Variants in USO1 observed in about 807,000 individuals in gnomAD.
USO1 encodes the protein general vesicular transport factor p115.
USO1 carries 57 observed loss-of-function variants against 124.5 expected under a neutral mutation model. The ratio of observed to expected loss-of-function variants is 0.46; its 90% confidence interval spans 0.37 to 0.57. The LOEUF is 0.57. Among genes scored for constraint, USO1 ranks in the 20% least tolerant of loss-of-function variants. The probability of loss-of-function intolerance (pLI) is 0.00; values close to 1 mark genes in which losing one functional copy is unlikely to be tolerated. For synonymous variants in USO1, 369 were observed against 362.8 expected (o/e 1.02, Z -0.19); for missense variants, 900 against 1,040.6 (o/e 0.86, Z 1.86).
rs530497517 is a variant in USO1, at chr4:75,735,204, A to G, written c.66+10319A>G. On this transcript the variant is annotated intron_variant, in intron 1 of 23. Transcript: ENST00000514213. ...GTGTGTCTGTCTGTCTGTCTAGGGT[A>G]AATGGGATTGCATTCTTGATTTGGC... Among the ~76,000 whole-genome samples, 3 of 152,234 alleles carry G rather than the reference A, an allele frequency of 2.0e-5. No individual in the cohort carries two copies. The East Asian group carries it at 5.8e-4, about 29-fold the overall frequency.
intron 17 of USO1, 95 bp downstream of exon 17, chr4:75,801,295 A>G (rs1722844566): frequency 1.4e-6 from 2 of 1,379,324 alleles, no homozygotes; most frequent in Non-Finnish European, 1.9e-6. Flanking sequence ...ATGAAAGAGG[A>G]TATAGAAAGC....
At chr4:75,730,056 C>T (rs1720585268) in intron 1 of USO1, 2 of 258,366 alleles carry the variant, frequency 7.7e-6, no homozygotes, top group South Asian at 3.5e-5. Context: ...TGTGTTTTCT[C>T]TCTTGGCCTG....
chr4:75,757,572 A>G lies in USO1; in HGVS notation c.294A>G (p.Val98=). Residue 98 remains valine (V), a splice_region_variant and synonymous_variant, in exon 4 of 24, where the codon GTA becomes GTG. Transcript: ENST00000514213. ...NIISNEEEEE[V]EENSTRQSED... ...TATCTAATGAAGAAGAAGAAGAAGT[A>G]GGTAAGTTTCCAGTTATTTTTACTG... 1 of 1,487,724 alleles carries G rather than the reference A, an allele frequency of 6.7e-7. No individual in the cohort carries two copies. Among genetic ancestry groups the G allele is most frequent in the Non-Finnish European group, 8.9e-7 (1 of 1,118,008 alleles). The allele number at this position is 1,487,724 out of a possible 1,614,324, so 92.2% of individuals were successfully genotyped here.
chr4:75,783,461 T>A (rs1722277957), intron 9 of USO1, among the ~76,000 whole-genome samples: 1 of 152,256 alleles, frequency 6.6e-6, no homozygotes, highest in South Asian at 2.1e-4. Flanking sequence ...TATTTCCTCA[T>A]CAGAGAAAAT....
At chr4:75,757,632 A>G in intron 4 of USO1, 59 bp downstream of exon 4, 3 of 1,325,022 alleles carry the variant, frequency 2.3e-6, no homozygotes, top group South Asian at 3.9e-5. Flanking sequence ...GGGTTGTGCT[A>G]ATTTTGCTGG....
In USO1 at chr4:75,800,472, A is replaced by G. The variant is rs752853888; in HGVS notation, c.1682+3A>G. On this transcript the variant is annotated splice_donor_region_variant and intron_variant, in intron 15 of 23. Coordinates refer to ENST00000514213, the MANE Select transcript of USO1 (RefSeq NM_003715.4). The stretch of plus-strand genomic sequence containing the variant: ...AACTCACTTGAGAGCTACATGAAGT[A>G]AGTAAGGGGAAGATGGTTTTCTAAT... 2.3e-5 allele frequency: 37 copies of G among 1,579,280 alleles called. No individual in the cohort carries two copies. In the Middle Eastern group the frequency reaches 6.7e-4, roughly 28 times the overall value.
At chr4:75,770,340 TTAC>T in intron 4 of USO1, 96 bp from the exon 5 acceptor site, 1 of 1,181,798 alleles carries the variant, frequency 8.5e-7, no homozygotes, top group Non-Finnish European at 1.1e-6. Context: ...GTTGAATTGT[TTAC>T]CAGGAAAATT....
At chr4:75,788,058 T>C (rs2149179413) in intron 10 of USO1, among the ~76,000 whole-genome samples, 1 of 152,192 alleles carries the variant, frequency 6.6e-6, no homozygotes, top group East Asian at 1.9e-4. Flanking sequence ...TTCTTCCCCA[T>C]GTCTCTTGTC....
At chr4:75,782,447 T>A (rs1047502631) in intron 8 of USO1, among the ~76,000 whole-genome samples, 2 of 152,158 alleles carry the variant, frequency 1.3e-5, no homozygotes, top group Non-Finnish European at 2.9e-5. Context: ...AGATAAACAA[T>A]GAGTTACTAA....
Position 75,800,783 on chromosome 4 carries a change from G to C in USO1, c.1848G>C (p.Leu616=), listed in dbSNP as rs1722825054. 3 of 1,612,460 alleles carry C rather than the reference G, an allele frequency of 1.9e-6. No homozygotes were observed. Among genetic ancestry groups the C allele is most frequent in the African/African-American group, 2.7e-5 (2 of 74,816 alleles). The stretch of plus-strand genomic sequence containing the variant: ...TATTTGATCATGAGTTTACGAAGCT[G>C]GTAAAAGAACTTGAAGGTAAGACTG... ...YMIFDHEFTK[L]VKELEGVITK... Residue 616 remains leucine, a synonymous_variant, in exon 16 of 24, where the codon CTG becomes CTC. Transcript: ENST00000514213.
intron 8 of USO1, 134 bp downstream of exon 8, chr4:75,774,930 G>A: frequency 7.6e-7 from 1 of 1,307,734 alleles, no homozygotes; most frequent in Non-Finnish European, 1.0e-6. Context: ...ATGGCATGTT[G>A]ACTATCGATT....
chr4:75,784,791 G>GA (rs200097346), intron 9 of USO1, among the ~76,000 whole-genome samples: 1,529 of 129,850 alleles, frequency 0.012, 15 homozygotes, highest in East Asian at 0.055. Flanking sequence ...TCTATCTCAG[G>GA]AAAAAAAAAA....
intron 10 of USO1, among the ~76,000 whole-genome samples, chr4:75,789,282 C>CTGT (rs10692496): frequency 0.8 from 121,484 of 151,482 alleles, 48,888 homozygotes; most frequent in East Asian, 0.99. Flanking sequence ...TTTTGTGTTG[C>CTGT]TGTTGTTGTT....
chr4:75,766,825 G>GT (rs1035275941), intron 4 of USO1, among the ~76,000 whole-genome samples: 2 of 152,168 alleles, frequency 1.3e-5, no homozygotes, highest in Non-Finnish European at 2.9e-5. Context: ...TTGAATATGA[G>GT]TTTAACTGGT....
At chr4:75,728,107 T>C (rs1720516203) in intron 1 of USO1, among the ~76,000 whole-genome samples, 1 of 152,226 alleles carries the variant, frequency 6.6e-6, no homozygotes, top group Non-Finnish European at 1.5e-5. Flanking sequence ...TACTAGGTAC[T>C]AAAACACTTT....
intron 1 of USO1, among the ~76,000 whole-genome samples, chr4:75,740,404 C>G (rs1214617383): frequency 6.6e-6 from 1 of 152,188 alleles, no homozygotes; most frequent in Non-Finnish European, 1.5e-5. Context: ...CCTCCTGCCT[C>G]AGCCTCCTGA....
In USO1 at chr4:75,724,852, G is replaced by C. The variant is rs745467683; in HGVS notation, c.33G>C (p.Gln11His). The change falls in exon 1 of 24, where the codon CAG (glutamine) becomes CAC (histidine). Residue 11 changes from glutamine (Q) to histidine (H), a missense_variant. Coordinates refer to ENST00000514213, the MANE Select transcript of USO1 (RefSeq NM_003715.4). MNFLRGVMGG[Q>H]SAGPQHTEAE... Reference sequence around the variant, plus strand: ...TCCTCCGCGGGGTAATGGGGGGTCAGAGTGCCGGACCCCAGCACACAGAAG... The same window carrying C: ...TCCTCCGCGGGGTAATGGGGGGTCACAGTGCCGGACCCCAGCACACAGAAG... 1.1e-5 allele frequency: 17 copies of C among 1,613,718 alleles called. No homozygotes were observed. Among genetic ancestry groups the C allele is most frequent in the African/African-American group, 6.7e-5 (5 of 74,936 alleles).
In USO1 at chr4:75,760,072, C is replaced by T. The variant is rs562252462; in HGVS notation, c.295+2499C>T. On this transcript the variant is annotated intron_variant, in intron 4 of 23. Transcript: ENST00000514213. ...ACTAAAAATACCAAAATTAGCCGGG[C>T]GTGGTGGTGCACACCTGTAATCCCA... 1.2e-4 allele frequency among the ~76,000 whole-genome samples: 19 copies of T among 152,086 alleles called. No homozygotes were observed. In the South Asian group the frequency reaches 2.7e-3, roughly 22 times the overall value.
intron 1 of USO1, among the ~76,000 whole-genome samples, 156 bp from the exon 2 acceptor site, chr4:75,752,217 A>G (rs1013557106): frequency 5.2e-4 from 79 of 152,308 alleles, no homozygotes; most frequent in African/African-American, 1.9e-3. Flanking sequence ...TAATGAGATT[A>G]TAATACTACC....
Sources: allele counts gnomAD v4.1 joint callset (sites outside exome capture counted in the v4.1 genomes callset), GRCh38; gene constraint gnomAD v4.1.1; transcripts MANE v1.5; gene names NCBI Gene and HGNC (gene_info 2026-07-23, HGNC 2026-07-21).